Variants in FSHR observed in about 807,000 individuals in gnomAD.
FSHR encodes follicle-stimulating hormone receptor.
A neutral mutation model predicts 52.1 loss-of-function variants in FSHR; 46 were observed. The ratio of observed to expected loss-of-function variants is 0.88; its 90% confidence interval spans 0.70 to 1.13. The LOEUF (loss-of-function observed/expected upper bound fraction) is 1.13. Among genes scored for constraint, FSHR ranks in the 50% most tolerant of loss-of-function variants. FSHR has a pLI of 0.00. For synonymous variants in FSHR, 399 were observed against 309.6 expected (o/e 1.29, Z -3.03); for missense variants, 964 against 834.6 (o/e 1.16, Z -1.91).
intron 1 of FSHR, among the ~76,000 whole-genome samples, chr2:49,124,638 CTTG>C (rs1194446209): frequency 1.1e-4 from 17 of 152,016 alleles, no homozygotes; most frequent in Admixed American, 6.6e-5. Context: ...TGTCAGTAGT[CTTG>C]TTGTCACAAC....
chr2:49,013,531 T>A (rs13032866), intron 4 of FSHR, among the ~76,000 whole-genome samples: 90 of 143,480 alleles, frequency 6.3e-4, no homozygotes, highest in Non-Finnish European at 9.0e-4. Context: ...TATATAAAAA[T>A]ATATATATAA....
intron 4 of FSHR, among the ~76,000 whole-genome samples, chr2:49,002,039 T>A (rs1163171068): frequency 1.3e-5 from 2 of 152,148 alleles, no homozygotes. Context: ...CCCAGTATAA[T>A]TTCATAATCC....
At chr2:48,977,682 G>T (rs999640198) in intron 8 of FSHR, among the ~76,000 whole-genome samples, 3 of 152,098 alleles carry the variant, frequency 2.0e-5, no homozygotes, top group African/African-American at 7.2e-5. Flanking sequence ...TTCATCCCTT[G>T]GCCAGATGCA....
chr2:48,964,050 G>A, intron 9 of FSHR, 84 bp from the exon 10 acceptor site: 1 of 1,404,930 alleles, frequency 7.1e-7, no homozygotes, highest in Non-Finnish European at 9.8e-7. Flanking sequence ...GGGTAGAAAT[G>A]ATGAGTTTCT....
intron 4 of FSHR, among the ~76,000 whole-genome samples, chr2:49,004,770 A>T (rs191880741): frequency 6.6e-6 from 1 of 152,258 alleles, no homozygotes; most frequent in East Asian, 1.9e-4. Flanking sequence ...CTTGCTTTTC[A>T]CCCAGTCCTC....
intron 9 of FSHR, among the ~76,000 whole-genome samples, chr2:48,966,429 G>T (rs1360035780): frequency 6.6e-6 from 1 of 152,116 alleles, no homozygotes; most frequent in Non-Finnish European, 1.5e-5. Flanking sequence ...ACAGAATTAT[G>T]ACAAGGAAAT....
At chr2:49,151,116 C>G (rs1673044258) in intron 1 of FSHR, among the ~76,000 whole-genome samples, 1 of 137,396 alleles carries the variant, frequency 7.3e-6, no homozygotes, top group East Asian at 2.1e-4. Context: ...AAGCTGACTT[C>G]TGGTTTAAAA....
chr2:49,028,266 T>A (rs1352551359), intron 2 of FSHR, among the ~76,000 whole-genome samples: 1 of 152,206 alleles, frequency 6.6e-6, no homozygotes, highest in Admixed American at 6.5e-5. Flanking sequence ...GTTTGCGGTG[T>A]AGCAGGCACA....
intron 4 of FSHR, among the ~76,000 whole-genome samples, chr2:49,012,306 A>G (rs1186358905): frequency 6.6e-6 from 1 of 152,176 alleles, no homozygotes; most frequent in Non-Finnish European, 1.5e-5. Flanking sequence ...AGAGCAGTAA[A>G]GAAAGAAATA....
intron 2 of FSHR, among the ~76,000 whole-genome samples, chr2:49,061,259 C>G (rs1228702970): frequency 2.0e-5 from 3 of 152,038 alleles, no homozygotes; most frequent in Non-Finnish European, 4.4e-5. Context: ...TGGGACCCTG[C>G]CCCCATAGCT....
chr2:49,102,462 CA>C (rs1671066542), intron 1 of FSHR, among the ~76,000 whole-genome samples: 1 of 152,122 alleles, frequency 6.6e-6, no homozygotes, highest in African/African-American at 2.4e-5. Context: ...GCCAGGAGGT[CA>C]AAATCAAGAC....
At position 49,154,439 on chromosome 2, in the gene FSHR, A is replaced by G. The variant is rs780686912; in HGVS notation, c.-22T>C. 14 of 1,611,212 alleles carry G rather than the reference A, an allele frequency of 8.7e-6. No homozygotes were observed. In the East Asian group the frequency reaches 2.9e-4, roughly 33 times the overall value. On this transcript the variant is annotated 5_prime_UTR_variant, in exon 1 of 10. Coordinates refer to ENST00000406846, the MANE Select transcript of FSHR (RefSeq NM_000145.4). ...CCATAATTATGCATCCATCCACCTGATTTCTTCCTGCATTTGCAGAGAAAA... is the reference window on the plus strand; with the variant it reads ...CCATAATTATGCATCCATCCACCTGGTTTCTTCCTGCATTTGCAGAGAAAA...
At chr2:49,148,176 T>TA (rs1331927858) in intron 1 of FSHR, among the ~76,000 whole-genome samples, 1 of 152,028 alleles carries the variant, frequency 6.6e-6, no homozygotes. Flanking sequence ...AGGCAAGTAT[T>TA]ATCACGTAAG....
intron 1 of FSHR, among the ~76,000 whole-genome samples, chr2:49,109,865 T>G (rs1312408519): frequency 6.6e-6 from 1 of 152,150 alleles, no homozygotes; most frequent in Non-Finnish European, 1.5e-5. Flanking sequence ...AAGGGTAAAT[T>G]CTTTCCACTT....
intron 2 of FSHR, among the ~76,000 whole-genome samples, chr2:49,034,640 A>G (rs1487383148): frequency 2.0e-5 from 3 of 152,238 alleles, no homozygotes; most frequent in Non-Finnish European, 4.4e-5. Context: ...CATTTAACAC[A>G]TAAACACCTT....
chr2:48,988,953 T>C lies in FSHR; in HGVS notation c.524+24A>G, dbSNP rs377206260. ...AAATGAAAAATCAAATGTTACTCTG[T>C]TGGATTTTTTCCCCCTTACTTACAG... On this transcript the variant is annotated intron_variant, in intron 6 of 9. Coordinates refer to ENST00000406846, the MANE Select transcript of FSHR (RefSeq NM_000145.4). 2.7e-5 allele frequency: 43 copies of C among 1,589,498 alleles called. No homozygotes were observed. In the Admixed American group the frequency reaches 3.5e-4, roughly 13 times the overall value.
At chr2:49,029,285 T>G (rs1668019009) in intron 2 of FSHR, among the ~76,000 whole-genome samples, 1 of 152,214 alleles carries the variant, frequency 6.6e-6, no homozygotes, top group Non-Finnish European at 1.5e-5. Context: ...TTACGGGCCC[T>G]TGGCTGTTTT....
chr2:49,127,808 C>A (rs867908907), intron 1 of FSHR, among the ~76,000 whole-genome samples: 1 of 57,662 alleles, frequency 1.7e-5, no homozygotes, highest in Non-Finnish European at 3.1e-5. Flanking sequence ...TCTTCTTCTT[C>A]TTCTTCTTCT....
chr2:48,990,992 T>G (rs1675748530), intron 4 of FSHR, among the ~76,000 whole-genome samples: 1 of 152,094 alleles, frequency 6.6e-6, no homozygotes, highest in Non-Finnish European at 1.5e-5. Context: ...TCATCATACT[T>G]GTTGGAAAAC....
Sources: gnomAD v4.1 joint callset for allele counts (sites outside exome capture counted in the v4.1 genomes callset) on GRCh38, gnomAD v4.1.1 for gene constraint, MANE v1.5 for transcripts, NCBI Gene and HGNC (gene_info 2026-07-23, HGNC 2026-07-21) for gene names.